CUEDC1: variants seen among roughly 807,000 people sequenced by gnomAD.
CUEDC1 encodes the protein CUE domain-containing protein 1.
CUEDC1 carries 30 observed loss-of-function variants against 43.7 expected under a neutral mutation model. The ratio of observed to expected loss-of-function variants is 0.69; its 90% CI spans 0.51 to 0.93. The LOEUF is 0.93. Among genes scored for constraint, CUEDC1 ranks in the 40% least tolerant of loss-of-function variants. CUEDC1 has a pLI of 0.00. For missense variants in CUEDC1, 486 were observed against 549.0 expected, an observed-to-expected ratio of 0.89 and a Z score of 1.15; for synonymous variants, 223 against 223.6, an observed-to-expected ratio of 1.00 and a Z score of 0.02.
At chr17:57,923,678 C>T (rs368110393) in intron 1 of CUEDC1, among the ~76,000 whole-genome samples, 4 of 152,334 alleles carry the variant, frequency 2.6e-5, no homozygotes, top group Admixed American at 2.0e-4. Context: ...AGTAAAGGCA[C>T]AGTTGATGGG....
intron 1 of CUEDC1, among the ~76,000 whole-genome samples, chr17:57,923,475 G>A (rs910228791): frequency 2.0e-5 from 3 of 152,210 alleles, no homozygotes; most frequent in African/African-American, 7.2e-5. Flanking sequence ...TAGAGCTGCC[G>A]TCTCAAGATC....
chr17:57,868,268 C>T (rs1255052554), intron 7 of CUEDC1, 25 bp from the exon 8 acceptor site: 3 of 1,602,690 alleles, frequency 1.9e-6, no homozygotes, highest in East Asian at 2.2e-5. Context: ...ACCTGTGAGT[C>T]ATTCTCTCAG....
At chr17:57,921,128 T>C (rs746029473) in intron 1 of CUEDC1, among the ~76,000 whole-genome samples, 17 of 152,168 alleles carry the variant, frequency 1.1e-4, no homozygotes, top group Non-Finnish European at 2.2e-4. Context: ...GAGATATTGG[T>C]GGAACAAAAG....
chr17:57,881,716 G>A (rs2074207673), intron 2 of CUEDC1, among the ~76,000 whole-genome samples: 1 of 152,148 alleles, frequency 6.6e-6, no homozygotes, highest in African/African-American at 2.4e-5. Context: ...GGTTTCCCCT[G>A]ACCATGGCTA....
chr17:57,890,564 C>T (rs908022392), intron 1 of CUEDC1, among the ~76,000 whole-genome samples: 7 of 152,218 alleles, frequency 4.6e-5, no homozygotes, highest in African/African-American at 1.7e-4. Flanking sequence ...AAGCAGAAAC[C>T]CCACACCTGT....
At chr17:57,877,821 G>A (rs573958578) in intron 3 of CUEDC1, among the ~76,000 whole-genome samples, 32 of 144,744 alleles carry the variant, frequency 2.2e-4, no homozygotes, top group African/African-American at 8.1e-4. Context: ...GGAGGCGGAG[G>A]TTGCAGTGAA....
Position 57,930,982 on chromosome 17 carries a change from G to A in CUEDC1, c.-316+24243C>T, listed in dbSNP as rs942911606. On this transcript the variant is annotated intron_variant, in intron 1 of 10. Coordinates refer to ENST00000577830, the MANE Select transcript of CUEDC1 (RefSeq NM_001271875.2). This position sits in a 1 kb window ranked among gnomAD's most constrained non-coding sequence, Gnocchi z 4.2. ...CTCCTAGTTCCATTTCTGGCACAAG[G>A]ACTGAATGACTTATTAAAGGAGCTG... Among the ~76,000 whole-genome samples the A allele has an allele frequency of 3.3e-5, 5 of 152,124 alleles. No homozygotes were observed. Among genetic ancestry groups the A allele is most frequent in the African/African-American group, 1.2e-4 (5 of 41,404 alleles).
chr17:57,883,155 G>A, intron 2 of CUEDC1, among the ~76,000 whole-genome samples: 1 of 152,136 alleles, frequency 6.6e-6, no homozygotes, highest in South Asian at 2.1e-4. Context: ...GTCTCCCAAG[G>A]AGAGAGACAA....
chr17:57,887,235 A>G (rs1387917484), intron 1 of CUEDC1, among the ~76,000 whole-genome samples: 1 of 151,994 alleles, frequency 6.6e-6, no homozygotes, highest in African/African-American at 2.4e-5. Flanking sequence ...GGAACTGAAA[A>G]TCAAGCACAA....
At chr17:57,949,513 C>T (rs1259116526) in intron 1 of CUEDC1, among the ~76,000 whole-genome samples, 1 of 151,030 alleles carries the variant, frequency 6.6e-6, no homozygotes, top group Non-Finnish European at 1.5e-5. Flanking sequence ...CCCAGCTCCA[C>T]CCTCCCCCAC....
chr17:57,873,092 C>T (rs561564164), intron 4 of CUEDC1, among the ~76,000 whole-genome samples: 1 of 152,338 alleles, frequency 6.6e-6, no homozygotes, highest in African/African-American at 2.4e-5. Flanking sequence ...CACAGACCAC[C>T]TCATACCTTC....
At chr17:57,870,549 C>CA (rs1002157644) in intron 6 of CUEDC1, among the ~76,000 whole-genome samples, 9 of 152,242 alleles carry the variant, frequency 5.9e-5, no homozygotes, top group Non-Finnish European at 4.4e-5. Context: ...AGTAAGTCCT[C>CA]AGCTTTGCTA....
chr17:57,871,294 G>A lies in CUEDC1; in HGVS notation c.860C>T (p.Pro287Leu). 6.2e-7 allele frequency: 1 copy of A among 1,613,434 alleles called. No homozygotes were observed. Among genetic ancestry groups the A allele is most frequent in the South Asian group, 1.1e-5 (1 of 91,060 alleles). Reference sequence around the variant, plus strand: ...CCAGAAGGCAAAGTTACCTGGGACAGGAGAGGAAAAGCCAAAGTCGTTTCC... The same window carrying A: ...CCAGAAGGCAAAGTTACCTGGGACAAGAGAGGAAAAGCCAAAGTCGTTTCC... ...AVGNDFGFSS[P>L]VPGTGDANPA... The change falls in exon 6 of 11, where the codon CCT (proline) becomes CTT (leucine). Residue 287 changes from proline (P) to leucine (L), a missense_variant. By Grantham distance (98) the Pro-to-Leu change is moderately conservative. Coordinates refer to ENST00000577830, the MANE Select transcript of CUEDC1 (RefSeq NM_001271875.2).
rs931210513 is a variant in CUEDC1, at chr17:57,879,760, A to G, written c.337-22T>C. ...AGATCTAAATCAGAGGCAACAGAGA[A>G]AGAAATATTAATCATCCCTCCTTGA... On this transcript the variant is annotated intron_variant, in intron 2 of 10. Coordinates refer to ENST00000577830, the MANE Select transcript of CUEDC1 (RefSeq NM_001271875.2). 3 of 1,587,236 alleles carry G rather than the reference A, an allele frequency of 1.9e-6. No individual in the cohort carries two copies. In the African/African-American group the frequency reaches 4.1e-5, roughly 22 times the overall value.
chr17:57,870,501 A>G (rs770549232), intron 6 of CUEDC1, among the ~76,000 whole-genome samples: 1 of 152,174 alleles, frequency 6.6e-6, no homozygotes, highest in Admixed American at 6.5e-5. Context: ...CCCCAGATTA[A>G]TCCTGCCCTC....
chr17:57,864,499 G>A (rs1232427793), intron 10 of CUEDC1, among the ~76,000 whole-genome samples: 1 of 152,122 alleles, frequency 6.6e-6, no homozygotes, highest in Non-Finnish European at 1.5e-5. Flanking sequence ...GGGGTCACAG[G>A]AGCCAAGGGA....
intron 2 of CUEDC1, among the ~76,000 whole-genome samples, chr17:57,883,533 G>C (rs1006430469): frequency 6.6e-6 from 1 of 152,160 alleles, no homozygotes; most frequent in Non-Finnish European, 1.5e-5. Flanking sequence ...AGACCAGCCT[G>C]GCCAACATGG....
At position 57,862,695 on chromosome 17, in the gene CUEDC1, C is replaced by T. The variant is rs901028950; in HGVS notation, c.*594G>A. 1 of 152,542 alleles carries T rather than the reference C, an allele frequency of 6.6e-6. No individual in the cohort carries two copies. Among genetic ancestry groups the T allele is most frequent in the African/African-American group, 2.4e-5 (1 of 41,460 alleles). The allele number at this position is 152,542 out of a possible 1,614,324, so 9.4% of individuals were successfully genotyped here. On this transcript the variant is annotated 3_prime_UTR_variant, in exon 11 of 11. Coordinates refer to ENST00000577830, the MANE Select transcript of CUEDC1 (RefSeq NM_001271875.2). ...TGGGGGACTGGCCAGGGACCTCCCA[C>T]CCAGGCTGGGTGCAGGGCTCGTGTG... is the stretch of plus-strand genomic sequence containing the variant.
chr17:57,934,551 T>C (rs1251898016), intron 1 of CUEDC1, among the ~76,000 whole-genome samples: 1 of 107,544 alleles, frequency 9.3e-6, no homozygotes, highest in Non-Finnish European at 1.8e-5. Flanking sequence ...AGCAAGACCC[T>C]GTCTCTCTAA....
Sources: allele counts gnomAD v4.1 joint callset (sites outside exome capture counted in the v4.1 genomes callset), GRCh38; gene constraint gnomAD v4.1.1; non-coding constraint Gnocchi (gnomAD v3.1); transcripts MANE v1.5; gene names NCBI Gene and HGNC (gene_info 2026-07-23, HGNC 2026-07-21).